PPFIBP1: variants seen among roughly 807,000 people sequenced by gnomAD.
PPFIBP1 encodes liprin-beta-1.
PPFIBP1 carries 112 observed loss-of-function variants against 137.8 expected under a neutral mutation model. The ratio of observed to expected loss-of-function variants is 0.81; its 90% CI spans 0.70 to 0.95. The LOEUF (loss-of-function observed/expected upper bound fraction) is 0.95, where lower values mean the gene tolerates loss of function less well. Ranked by LOEUF, PPFIBP1 falls within the 40% of genes least tolerant of loss-of-function variation. PPFIBP1 has a pLI of 0.00. For synonymous variants in PPFIBP1, 378 were observed against 417.3 expected, an observed-to-expected ratio of 0.91 and a Z score of 1.15; for missense variants, 1,083 against 1,196.6, an observed-to-expected ratio of 0.91 and a Z score of 1.40.
chr12:27,606,151 A>T (rs1376847915), intron 2 of PPFIBP1, among the ~76,000 whole-genome samples: 1 of 152,234 alleles, frequency 6.6e-6, no homozygotes, highest in Non-Finnish European at 1.5e-5. Flanking sequence ...AATTGCTTTG[A>T]CAAAGACAGT....
intron 1 of PPFIBP1, among the ~76,000 whole-genome samples, chr12:27,539,450 T>C (rs924539605): frequency 6.6e-6 from 1 of 152,246 alleles, no homozygotes; most frequent in African/African-American, 2.4e-5. Context: ...AATTTTGGTG[T>C]GCGGGTTTAA....
intron 3 of PPFIBP1, 85 bp from the exon 4 acceptor site, chr12:27,634,825 G>GT: frequency 9.4e-7 from 1 of 1,063,004 alleles, no homozygotes; most frequent in Non-Finnish European, 1.4e-6. Flanking sequence ...TCCTTACTGT[G>GT]ACTAGACTGG....
At chr12:27,549,563 T>TA (rs529113016) in intron 1 of PPFIBP1, 14,198 of 126,204 alleles carry the variant, frequency 0.11, 867 homozygotes, top group South Asian at 0.29. Context: ...GAACCAGAAT[T>TA]AAAAAAAAAA....
At chr12:27,554,232 CA>C (rs1184767125) in intron 1 of PPFIBP1, among the ~76,000 whole-genome samples, 1 of 152,214 alleles carries the variant, frequency 6.6e-6, no homozygotes, top group Non-Finnish European at 1.5e-5. Context: ...CCCAACATCC[CA>C]ATTATTCCTA....
intron 9 of PPFIBP1, 55 bp from the exon 10 acceptor site, chr12:27,658,761 T>C: frequency 6.6e-7 from 1 of 1,521,254 alleles, no homozygotes; most frequent in African/African-American, 1.4e-5. Context: ...TTTAAAAATA[T>C]TACTTATTGT....
At chr12:27,545,760 G>A (rs188232052) in intron 1 of PPFIBP1, among the ~76,000 whole-genome samples, 257 of 152,308 alleles carry the variant, frequency 1.7e-3, no homozygotes, top group African/African-American at 5.5e-3. Flanking sequence ...GGCAAAACCC[G>A]TGGACTAGGG....
intron 24 of PPFIBP1, among the ~76,000 whole-genome samples, chr12:27,684,172 A>G (rs1010161432): frequency 1.3e-5 from 2 of 151,592 alleles, no homozygotes; most frequent in African/African-American, 4.8e-5. Flanking sequence ...GCAGTGGCAC[A>G]ATCTTGGCTC....
At chr12:27,526,332 A>C (rs1943747995) in intron 1 of PPFIBP1, among the ~76,000 whole-genome samples, 1 of 152,192 alleles carries the variant, frequency 6.6e-6, no homozygotes, top group Non-Finnish European at 1.5e-5. Flanking sequence ...CAAAACTCTA[A>C]ATTTGATTCA....
chr12:27,688,465 C>T, intron 26 of PPFIBP1, 42 bp downstream of exon 26: 1 of 1,607,036 alleles, frequency 6.2e-7, no homozygotes, highest in Non-Finnish European at 8.5e-7. Context: ...ACTTTGCTTC[C>T]TTTAGTCTAG....
intron 2 of PPFIBP1, chr12:27,592,735 G>T (rs1252129991): frequency 6.9e-6 from 7 of 1,008,270 alleles, no homozygotes; most frequent in Non-Finnish European, 1.1e-5. Context: ...GCTGGCAGTT[G>T]CCTGGCTTAT....
chr12:27,669,487 T>A (rs2060050972), intron 13 of PPFIBP1, among the ~76,000 whole-genome samples: 1 of 152,234 alleles, frequency 6.6e-6, no homozygotes, highest in South Asian at 2.1e-4. Flanking sequence ...AAGAATGGTT[T>A]GATGAGGGTT....
chr12:27,692,991 C>T lies in PPFIBP1; in HGVS notation c.*109C>T, dbSNP rs3764010. 0.67 allele frequency: 982,233 copies of T among 1,467,208 alleles called. 331,894 individuals are homozygous for T. Among genetic ancestry groups the T allele is most frequent in the Middle Eastern group, 0.74 (4,082 of 5,484 alleles). The allele number at this position is 1,467,208 out of a possible 1,614,324, so 90.9% of individuals were successfully genotyped here. On this transcript the variant is annotated 3_prime_UTR_variant, in exon 30 of 30. Transcript: ENST00000228425. The stretch of plus-strand genomic sequence containing the variant: ...GCGGATTGTCTATTGTTTGTTGTTC[C>T]AACTTCTGCTGTCGAGAAGTTTAAA...
chr12:27,600,207 G>A (rs12230614), intron 2 of PPFIBP1, among the ~76,000 whole-genome samples: 16,356 of 152,152 alleles, frequency 0.11, 1,111 homozygotes, highest in African/African-American at 0.19. Flanking sequence ...GGAGGTCGAG[G>A]CATGTGGATC....
Position 27,692,601 on chromosome 12 carries a change from C to G in PPFIBP1, c.2876C>G (p.Ser959Ter). Residue 959 changes from serine (S) to a stop codon, truncating the protein, a stop_gained, in exon 29 of 30, where the codon TCA becomes TGA. Coordinates refer to ENST00000228425, the MANE Select transcript of PPFIBP1 (RefSeq NM_003622.4). LOFTEE classifies it high-confidence loss of function. ...GTTTGTTATTTGCAGATGGAAGATT[C>G]AGAAGGGACAGTGAGACAGATAGGT... ...DLDRLEQMED[S>*]EGTVRQIGAF... is the part of the protein sequence containing the mutation. 6.2e-7 allele frequency: 1 copy of G among 1,613,678 alleles called. No individual in the cohort carries two copies. Among genetic ancestry groups the G allele is most frequent in the South Asian group, 1.1e-5 (1 of 91,052 alleles).
rs1225557793 is a variant in PPFIBP1 at position 27,673,693 on chromosome 12, T to C, written c.1320-74T>C. 2.3e-6 allele frequency: 3 copies of C among 1,330,610 alleles called. No homozygotes were observed. In the Admixed American group the frequency reaches 6.1e-5, roughly 27 times the overall value. The allele number at this position is 1,330,610 out of a possible 1,614,324, so 82.4% of individuals were successfully genotyped here. A position where few individuals can be genotyped will look rare whatever the true frequency, so the allele number is the denominator to read the frequency against. On this transcript the variant is annotated intron_variant, in intron 15 of 29. Coordinates refer to ENST00000228425, the MANE Select transcript of PPFIBP1 (RefSeq NM_003622.4). ...TCAACCCACACGCAATTTTAGTTTC[T>C]TTCCAAGATGTTTTACTTAGAAACA...
At chr12:27,649,910 CT>C in intron 6 of PPFIBP1, 99 bp from the exon 7 acceptor site, 1 of 1,096,282 alleles carries the variant, frequency 9.1e-7, no homozygotes. Flanking sequence ...ACTATATCCT[CT>C]ACTTGATAGG....
chr12:27,680,001 G>A lies in PPFIBP1; in HGVS notation c.1835G>A (p.Gly612Glu), dbSNP rs778956238. ...TCTGAGCCTGAATTCAAAAGAGGAG[G>A]GACAAGGGCAACCGCGGGGCCCCGA... is the stretch of plus-strand genomic sequence containing the variant. ...DMSEPEFKRG[G>E]TRATAGPRLG... The change falls in exon 21 of 30, where the codon GGG (glycine) becomes GAG (glutamate). Residue 612 changes from glycine (G) to glutamate (E), a missense_variant. Gly to Glu is a moderately conservative substitution (Grantham distance 98, BLOSUM62 -2). Transcript: ENST00000228425. The A allele has an allele frequency of 8.1e-6, 13 of 1,613,958 alleles. No individual in the cohort carries two copies. Among genetic ancestry groups the A allele is most frequent in the South Asian group, 1.1e-5 (1 of 91,084 alleles).
chr12:27,571,536 G>T (rs887579329), intron 1 of PPFIBP1, among the ~76,000 whole-genome samples: 11 of 152,088 alleles, frequency 7.2e-5, no homozygotes, highest in African/African-American at 2.7e-4. Context: ...CAATGAAAAT[G>T]TGCCTATTCC....
At chr12:27,555,965 A>G (rs1229118285) in intron 1 of PPFIBP1, among the ~76,000 whole-genome samples, 1 of 152,206 alleles carries the variant, frequency 6.6e-6, no homozygotes, top group Non-Finnish European at 1.5e-5. Context: ...TTAAACTGTG[A>G]AGTTTAAGTT....
Sources: allele counts gnomAD v4.1 joint callset (sites outside exome capture counted in the v4.1 genomes callset), GRCh38; gene constraint gnomAD v4.1.1; transcripts MANE v1.5; gene names NCBI Gene and HGNC (gene_info 2026-07-23, HGNC 2026-07-21).